Variants in FAM240B observed in about 807,000 individuals in gnomAD.
FAM240B encodes family with sequence similarity 240 member B.
chr9:38,711,140 C>T (rs962331646), intron 1 of FAM240B, among the ~76,000 whole-genome samples: 1 of 152,212 alleles, frequency 6.6e-6, no homozygotes, highest in South Asian at 2.1e-4. Flanking sequence ...CGCATCACAT[C>T]AAGACACACA....
chr9:38,699,087 G>A (rs1821095082), intron 2 of FAM240B, among the ~76,000 whole-genome samples: 1 of 152,166 alleles, frequency 6.6e-6, no homozygotes, highest in South Asian at 2.1e-4. Context: ...TTTACCTTCA[G>A]CCTAGAAATA....
intron 1 of FAM240B, among the ~76,000 whole-genome samples, chr9:38,717,098 G>A (rs1821312671): frequency 1.3e-5 from 2 of 152,150 alleles, no homozygotes; most frequent in Non-Finnish European, 2.9e-5. Context: ...CCTCGGGAAG[G>A]TGTGGAGGGA....
chr9:38,708,962 G>A (rs1161856575), intron 1 of FAM240B, among the ~76,000 whole-genome samples: 11 of 152,144 alleles, frequency 7.2e-5, no homozygotes, highest in Admixed American at 7.2e-4. Context: ...GCTGGACCAC[G>A]TCCAGTGAAG....
intron 1 of FAM240B, among the ~76,000 whole-genome samples, chr9:38,711,650 T>TTC (rs1554688400): frequency 2.9e-5 from 4 of 139,566 alleles, no homozygotes; most frequent in Non-Finnish European, 6.3e-5. Context: ...TCCCTCTCTC[T>TTC]TTCTTCTTCT....
intron 2 of FAM240B, among the ~76,000 whole-genome samples, chr9:38,701,387 TTC>T (rs1435037772): frequency 6.6e-6 from 1 of 152,238 alleles, no homozygotes; most frequent in East Asian, 1.9e-4. Context: ...AATTTAAAAA[TTC>T]TAGATTTTTT....
intron 1 of FAM240B, among the ~76,000 whole-genome samples, chr9:38,708,151 A>C (rs1821211996): frequency 6.6e-6 from 1 of 152,198 alleles, no homozygotes; most frequent in South Asian, 2.1e-4. Flanking sequence ...AGGGCTACCT[A>C]CCTGCCCCTC....
chr9:38,711,612 T>G (rs1821255444), intron 1 of FAM240B, among the ~76,000 whole-genome samples: 1 of 147,418 alleles, frequency 6.8e-6, no homozygotes, highest in African/African-American at 2.7e-5. Flanking sequence ...TCTTTTTCTT[T>G]CTCTCTCCCT....
chr9:38,703,963 A>T lies in FAM240B; in HGVS notation c.37T>A (p.Cys13Ser), dbSNP rs557124291. The change falls in exon 2 of 3, where the codon TGT (cysteine) becomes AGT (serine). Residue 13 changes from cysteine to serine, a missense_variant. By Grantham distance (112) the Cys-to-Ser change is moderately radical. Coordinates refer to ENST00000637493, the MANE Select transcript of FAM240B (RefSeq NM_001394922.1). ...NQYIRREVFCCGTCHELKSFW... is the reference protein window; with the variant it reads ...NQYIRREVFCSGTCHELKSFW... ...CTTTTGAGCTCATGACAAGTTCCAC[A>T]GCAGAAGACTTCTCGACGGATGTAT... 1 of 400,528 alleles carries T rather than the reference A, an allele frequency of 2.5e-6. No homozygotes were observed. Among genetic ancestry groups the T allele is most frequent in the Admixed American group, 4.4e-5 (1 of 22,734 alleles). 24.8% of individuals were successfully genotyped at this position (400,528 alleles called of 1,614,324 possible).
intron 1 of FAM240B, among the ~76,000 whole-genome samples, chr9:38,716,814 T>C (rs1481871899): frequency 6.6e-6 from 1 of 152,212 alleles, no homozygotes; most frequent in Non-Finnish European, 1.5e-5. Context: ...AGCCAGGAAC[T>C]GACTTCCCAA....
At chr9:38,705,379 G>C (rs1293762525) in intron 1 of FAM240B, 2 of 152,378 alleles carry the variant, frequency 1.3e-5, no homozygotes, top group Non-Finnish European at 2.9e-5. Flanking sequence ...CACGAGGTCA[G>C]GAGATCAAGA....
chr9:38,701,226 A>G (rs763228236), intron 2 of FAM240B, among the ~76,000 whole-genome samples: 1 of 152,212 alleles, frequency 6.6e-6, no homozygotes, highest in Non-Finnish European at 1.5e-5. Context: ...GGCAGAGCCC[A>G]CAGGGGTGGA....
At chr9:38,705,652 T>C (rs962164041) in intron 1 of FAM240B, 2 of 151,596 alleles carry the variant, frequency 1.3e-5, no homozygotes, top group African/African-American at 4.8e-5. Flanking sequence ...ATTTATGATA[T>C]GGAATAATTT....
At chr9:38,707,495 G>A (rs192882982) in intron 1 of FAM240B, among the ~76,000 whole-genome samples, 3 of 151,882 alleles carry the variant, frequency 2.0e-5, no homozygotes, top group Non-Finnish European at 2.9e-5. Context: ...TGGGCCAGAC[G>A]TGGTGGCTCA....
chr9:38,708,224 A>C (rs964162242), intron 1 of FAM240B, among the ~76,000 whole-genome samples: 4 of 152,076 alleles, frequency 2.6e-5, no homozygotes, highest in Admixed American at 6.5e-5. Context: ...CTTTTCTCGA[A>C]ACCTCCTCCC....
intron 1 of FAM240B, among the ~76,000 whole-genome samples, chr9:38,714,408 G>A (rs1457326476): frequency 6.6e-6 from 1 of 152,184 alleles, no homozygotes; most frequent in Non-Finnish European, 1.5e-5. Flanking sequence ...AATAATTACT[G>A]TGGTGGTTTT....
At chr9:38,711,187 G>C (rs549140857) in intron 1 of FAM240B, among the ~76,000 whole-genome samples, 1 of 152,168 alleles carries the variant, frequency 6.6e-6, no homozygotes, top group East Asian at 1.9e-4. Flanking sequence ...CGAAGTGCTC[G>C]CTGTGGCCAG....
chr9:38,705,527 T>G (rs1821180189), intron 1 of FAM240B: 1 of 142,044 alleles, frequency 7.0e-6, no homozygotes, highest in African/African-American at 2.6e-5. Flanking sequence ...AGGCGGAGCT[T>G]GCAGTGAGCG....
At chr9:38,710,261 G>A (rs1308236730) in intron 1 of FAM240B, among the ~76,000 whole-genome samples, 1 of 152,074 alleles carries the variant, frequency 6.6e-6, no homozygotes, top group Admixed American at 6.5e-5. Context: ...AGCCCACAGC[G>A]CTCGGCCTTG....
Position 38,695,178 on chromosome 9 carries a change from A to G in FAM240B, c.144-309T>C, listed in dbSNP as rs547054653. Among the ~76,000 whole-genome samples, 3 of 152,318 alleles carry G rather than the reference A, an allele frequency of 2.0e-5. No homozygotes were observed. The East Asian group carries it at 5.8e-4, about 29-fold the overall frequency. ...ACCACCATGACACATGTATTCCTAT[A>G]CATTCTGCACATGTATCCTGGAACT... On this transcript the variant is annotated intron_variant, in intron 2 of 2. Transcript: ENST00000637493.
Sources: gnomAD v4.1 joint callset for allele counts (sites outside exome capture counted in the v4.1 genomes callset) on GRCh38, gnomAD v4.1.1 for gene constraint, MANE v1.5 for transcripts, NCBI Gene and HGNC (gene_info 2026-07-23, HGNC 2026-07-21) for gene names.